GALNS: variants seen among roughly 807,000 people sequenced by gnomAD.
GALNS encodes the protein N-acetylgalactosamine-6-sulfatase.
GALNS carries 65 observed loss-of-function variants against 65.9 expected under a neutral mutation model. The ratio of observed to expected loss-of-function variants is 0.99; its 90% confidence interval spans 0.81 to 1.21. The LOEUF (loss-of-function observed/expected upper bound fraction) is 1.21. Among genes scored for constraint, GALNS ranks in the 50% most tolerant of loss-of-function variants. The probability of loss-of-function intolerance (pLI) is 0.00; values close to 1 mark genes in which losing one functional copy is unlikely to be tolerated. For missense variants in GALNS, 776 were observed against 700.7 expected, an observed-to-expected ratio of 1.11 and a Z score of -1.21; for synonymous variants, 346 against 288.9, an observed-to-expected ratio of 1.20 and a Z score of -2.00.
intron 11 of GALNS, among the ~76,000 whole-genome samples, chr16:88,823,391 C>T (rs1009233292): frequency 1.3e-5 from 2 of 152,254 alleles, no homozygotes; most frequent in Non-Finnish European, 2.9e-5. Context: ...CCTCCTGATT[C>T]GGGAAAGGCG....
intron 1 of GALNS, chr16:88,855,274 G>A (rs1292088923): frequency 4.3e-6 from 3 of 700,280 alleles, no homozygotes; most frequent in Non-Finnish European, 7.8e-6. Flanking sequence ...TTAACAGGGA[G>A]GCTTCACCTG....
chr16:88,839,283 G>C (rs551795364), intron 4 of GALNS, among the ~76,000 whole-genome samples: 8 of 148,474 alleles, frequency 5.4e-5, no homozygotes, highest in Admixed American at 3.3e-4. Context: ...GGGGACACTC[G>C]TGCGCCAACG....
At chr16:88,855,413 A>T (rs756454574) in intron 1 of GALNS, 1 of 702,826 alleles carries the variant, frequency 1.4e-6, no homozygotes, top group South Asian at 1.5e-5. Flanking sequence ...GAAATTCTGA[A>T]GCAAAGTATC....
At chr16:88,851,734 T>C (rs1219491286) in intron 1 of GALNS, among the ~76,000 whole-genome samples, 1 of 152,232 alleles carries the variant, frequency 6.6e-6, no homozygotes, top group Non-Finnish European at 1.5e-5. Flanking sequence ...GAGGGTCTCA[T>C]GCCCACGGAG....
intron 2 of GALNS, 35 bp from the exon 3 acceptor site, chr16:88,842,006 G>A: frequency 6.3e-7 from 1 of 1,586,046 alleles, no homozygotes; most frequent in Non-Finnish European, 8.6e-7. Flanking sequence ...AACTGGATAA[G>A]AAGGGTGTGG....
At chr16:88,856,540 C>T in intron 1 of GALNS, 1 of 696,468 alleles carries the variant, frequency 1.4e-6, no homozygotes, top group Admixed American at 2.0e-5. Flanking sequence ...CTGGACCCCG[C>T]GGCCACTCCC....
At chr16:88,815,071 C>G (rs116692101) in intron 13 of GALNS, 1 of 879,484 alleles carries the variant, frequency 1.1e-6, no homozygotes, top group Non-Finnish European at 1.3e-6. Context: ...AGGTCAACCC[C>G]GGACCCCAAC....
intron 1 of GALNS, among the ~76,000 whole-genome samples, chr16:88,846,652 C>T (rs2143007494): frequency 6.6e-6 from 1 of 151,934 alleles, no homozygotes; most frequent in South Asian, 2.1e-4. Context: ...AGCGATTACT[C>T]CTGCCTCAGC....
At chr16:88,842,030 C>A in intron 2 of GALNS, 59 bp from the exon 3 acceptor site, 1 of 1,477,246 alleles carries the variant, frequency 6.8e-7, no homozygotes, top group Non-Finnish European at 9.3e-7. Context: ...AGACCCCGGG[C>A]GTCAACAAGA....
chr16:88,835,917 G>C (rs1382493695), intron 6 of GALNS, 68 bp from the exon 7 acceptor site: 1 of 1,608,884 alleles, frequency 6.2e-7, no homozygotes, highest in African/African-American at 1.3e-5. Flanking sequence ...CACGGTCCCC[G>C]TCCCCACACG....
chr16:88,856,074 C>T (rs953870407), intron 1 of GALNS: 6 of 667,564 alleles, frequency 9.0e-6, no homozygotes, highest in African/African-American at 5.3e-5. Flanking sequence ...CAGGCTCATT[C>T]CTGAGTCTCC....
At chr16:88,839,852 T>C (rs1285091345) in intron 4 of GALNS, among the ~76,000 whole-genome samples, 1 of 152,196 alleles carries the variant, frequency 6.6e-6, no homozygotes, top group African/African-American at 2.4e-5. Flanking sequence ...CCAATGACCA[T>C]GCATAGGAGG....
In GALNS at chr16:88,842,721, G is replaced by A. The variant is rs201278722; in HGVS notation, c.229C>T (p.Pro77Ser). 6.2e-7 allele frequency: 1 copy of A among 1,612,990 alleles called. No individual in the cohort carries two copies. Among genetic ancestry groups the A allele is most frequent in the Non-Finnish European group, 8.5e-7 (1 of 1,179,796 alleles). ...LLFPNFYSAN[P>S]LCSPSRAALL... ...GCTGACTTACATGGCGAGCACAGAG[G>A]GTTGGCAGAATAGAAGTTTGGGAAA... Residue 77 changes from proline (P) to serine (S), a missense_variant, in exon 2 of 14, where the codon CCT (proline) becomes TCT (serine). Pro to Ser is a moderately conservative substitution (Grantham distance 74). Transcript: ENST00000268695.
intron 11 of GALNS, 28 bp from the exon 12 acceptor site, chr16:88,822,738 C>A: frequency 6.2e-7 from 1 of 1,608,788 alleles, no homozygotes; most frequent in Non-Finnish European, 8.5e-7. Context: ...AAGGTGTGTC[C>A]TGGAGCCCCT....
chr16:88,849,457 G>C (rs1967406165), intron 1 of GALNS, among the ~76,000 whole-genome samples: 1 of 152,074 alleles, frequency 6.6e-6, no homozygotes, highest in Admixed American at 6.5e-5. Context: ...TCTAATTTTT[G>C]TATTTTTTTT....
intron 13 of GALNS, chr16:88,814,944 G>A: frequency 1.3e-6 from 1 of 748,976 alleles, no homozygotes; most frequent in Non-Finnish European, 1.6e-6. Context: ...AGTTGGCCAG[G>A]CTGGTCTCAA....
chr16:88,815,136 C>G, intron 13 of GALNS: 1 of 985,482 alleles, frequency 1.0e-6, no homozygotes. Flanking sequence ...TACACAGACG[C>G]TCCCCAGGAA....
In GALNS at chr16:88,856,494, C is replaced by T. The variant is rs941555077; in HGVS notation, c.120+264G>A. 3 of 699,012 alleles carry T rather than the reference C, an allele frequency of 4.3e-6. No individual in the cohort carries two copies. The African/African-American group carries it at 5.3e-5, about 12-fold the overall frequency. The allele number at this position is 699,012 out of a possible 1,614,324, so 43.3% of individuals were successfully genotyped here. ...TCCCGGTCATGCAGCACAGTGGCAG[C>T]GCGTGTGGTGATCGGTGACCGCCGA... On this transcript the variant is annotated intron_variant, in intron 1 of 13. Coordinates refer to ENST00000268695, the MANE Select transcript of GALNS (RefSeq NM_000512.5).
intron 1 of GALNS, among the ~76,000 whole-genome samples, chr16:88,853,368 C>T (rs948743136): frequency 2.6e-5 from 4 of 151,356 alleles, no homozygotes; most frequent in African/African-American, 7.3e-5. Flanking sequence ...TTTTAAGAAA[C>T]GCAGTTTCCA....
Sources: gnomAD v4.1 joint callset for allele counts (sites outside exome capture counted in the v4.1 genomes callset) on GRCh38, gnomAD v4.1.1 for gene constraint, MANE v1.5 for transcripts, NCBI Gene and HGNC (gene_info 2026-07-23, HGNC 2026-07-21) for gene names.